NSDHL: variants seen among roughly 807,000 people sequenced by gnomAD.
The protein encoded by NSDHL is NAD(P) dependent 3-beta-hydroxysteroid dehydrogenase NSDHL.
NSDHL carries 1 observed loss-of-function variant against 23.0 expected under a neutral mutation model. That is an observed-to-expected ratio of 0.04 (90% CI 0.02 to 0.21). The LOEUF is 0.21. Ranked by LOEUF, NSDHL falls within the 10% of genes least tolerant of loss-of-function variation. NSDHL has a pLI of 1.00. For missense variants in NSDHL, 237 were observed against 300.9 expected (o/e 0.79, Z 1.57); for synonymous variants, 128 against 121.1 (o/e 1.06, Z -0.37).
intron 1 of NSDHL, among the ~76,000 whole-genome samples, chrX:152,841,565 A>G (rs1354832858): frequency 8.9e-6 from 1 of 112,298 alleles, no homozygotes; most frequent in Non-Finnish European, 1.9e-5. Flanking sequence ...CACCAGTACA[A>G]CATATCTCTG....
intron 3 of NSDHL, among the ~76,000 whole-genome samples, chrX:152,854,571 G>A (rs782660650): frequency 6.4e-5 from 7 of 109,745 alleles, no homozygotes; most frequent in Non-Finnish European, 9.5e-5. Flanking sequence ...CGCCACACCC[G>A]GCTAATTTTT....
At chrX:152,863,413 T>G (rs1280020864) in intron 5 of NSDHL, among the ~76,000 whole-genome samples, 3 of 111,536 alleles carry the variant, frequency 2.7e-5, no homozygotes. Flanking sequence ...CCATGGGAGC[T>G]TCCTCGCCTG....
At chrX:152,853,258 C>T (rs192383248) in intron 3 of NSDHL, among the ~76,000 whole-genome samples, 1 of 109,307 alleles carries the variant, frequency 9.1e-6, no homozygotes, top group East Asian at 2.9e-4. Context: ...TGACGCAAGC[C>T]CCTCCCCCAC....
intron 1 of NSDHL, among the ~76,000 whole-genome samples, chrX:152,836,213 G>A (rs1441118173): frequency 6.2e-5 from 7 of 112,164 alleles, no homozygotes; most frequent in African/African-American, 1.9e-4. Context: ...CCCTTTGTCA[G>A]ATGGGTAGAT....
chrX:152,859,068 T>A, intron 4 of NSDHL, 152 bp downstream of exon 4: 1 of 455,663 alleles, frequency 2.2e-6, no homozygotes, highest in Admixed American at 4.0e-5. Flanking sequence ...TTGGAGTCAC[T>A]GGAGATGGTG....
intron 4 of NSDHL, among the ~76,000 whole-genome samples, chrX:152,860,786 G>T (rs1364281963): frequency 8.9e-6 from 1 of 111,751 alleles, no homozygotes; most frequent in African/African-American, 3.3e-5. Flanking sequence ...CAGCATTTAA[G>T]AAACAACATT....
intron 3 of NSDHL, among the ~76,000 whole-genome samples, chrX:152,852,832 G>A (rs1480660668): frequency 9.1e-6 from 1 of 110,458 alleles, no homozygotes; most frequent in Non-Finnish European, 1.9e-5. Context: ...GGGACCTTGA[G>A]GCAACCATAT....
At chrX:152,858,566 G>A (rs782298222) in intron 3 of NSDHL, among the ~76,000 whole-genome samples, 1 of 111,742 alleles carries the variant, frequency 8.9e-6, no homozygotes, top group South Asian at 3.8e-4. Flanking sequence ...CTAGTTAGTG[G>A]GGAGAAGGTG....
chrX:152,855,224 A>G (rs1398135345), intron 3 of NSDHL, among the ~76,000 whole-genome samples: 1 of 108,736 alleles, frequency 9.2e-6, no homozygotes, highest in Non-Finnish European at 1.9e-5. Flanking sequence ...TGAACTCCTG[A>G]CCTCAAGTGA....
Position 152,864,895 on chromosome X carries a change from C to G in NSDHL, c.544-924C>G, listed in dbSNP as rs536442273. On this transcript the variant is annotated intron_variant, in intron 5 of 7. Coordinates refer to ENST00000370274, the MANE Select transcript of NSDHL (RefSeq NM_015922.3). ...TCACTGGGGCCAAAACATAGACCAG[C>G]ACTTTGCTACCATAGAGTAGAAGAA... Among the ~76,000 whole-genome samples the G allele has an allele frequency of 2.7e-4, 30 of 111,742 alleles. No homozygotes were observed. The South Asian group carries it at 0.011, about 42-fold the overall frequency.
intron 7 of NSDHL, among the ~76,000 whole-genome samples, 188 bp downstream of exon 7, chrX:152,867,861 C>A (rs1051719551): frequency 9.8e-5 from 11 of 111,772 alleles, no homozygotes; most frequent in Admixed American, 9.5e-5. Flanking sequence ...ATCACTTGGG[C>A]AGCCAAATTT....
At chrX:152,851,424 G>T (rs782616272) in intron 3 of NSDHL, among the ~76,000 whole-genome samples, 2 of 111,421 alleles carry the variant, frequency 1.8e-5, no homozygotes, top group South Asian at 3.8e-4. Flanking sequence ...ATCTAGTTGG[G>T]ATGCCAATCC....
At chrX:152,867,549 A>G in intron 6 of NSDHL, 22 bp from the exon 7 acceptor site, 1 of 1,124,297 alleles carries the variant, frequency 8.9e-7, no homozygotes, top group Non-Finnish European at 1.2e-6. Context: ...CACGTATTCC[A>G]TCATCCCTTG....
intron 5 of NSDHL, among the ~76,000 whole-genome samples, chrX:152,864,174 G>T (rs1461790395): frequency 5.3e-5 from 6 of 112,428 alleles, no homozygotes; most frequent in Non-Finnish European, 9.4e-5. Flanking sequence ...CTCTCAAAGT[G>T]CTGGGATTAC....
intron 1 of NSDHL, among the ~76,000 whole-genome samples, chrX:152,837,687 A>G (rs782216660): frequency 8.9e-6 from 1 of 111,881 alleles, no homozygotes; most frequent in African/African-American, 3.3e-5. Flanking sequence ...ATGCTACTGG[A>G]TTCAGTTTGC....
chrX:152,836,829 A>T (rs899870949), intron 1 of NSDHL, among the ~76,000 whole-genome samples: 2 of 112,127 alleles, frequency 1.8e-5, no homozygotes, highest in African/African-American at 3.2e-5. Context: ...GTTTTTTCCA[A>T]TTCTGTGAAG....
In NSDHL at chrX:152,869,135, C is replaced by G; in HGVS notation, c.*19C>G. ...CAAGTGAGGGACACTGGAGGCTGGG[C>G]TCTCTCGACACGTTGCTCAGCCAGT... On this transcript the variant is annotated 3_prime_UTR_variant, in exon 8 of 8. Transcript: ENST00000370274. The G allele has an allele frequency of 8.7e-7, 1 of 1,149,751 alleles. No homozygotes were observed. Among genetic ancestry groups the G allele is most frequent in the African/African-American group, 1.8e-5 (1 of 56,840 alleles). The allele number at this position is 1,149,751 out of a possible 1,213,427, so 94.8% of individuals were successfully genotyped here.
chrX:152,854,857 CT>C (rs1178328338), intron 3 of NSDHL, among the ~76,000 whole-genome samples: 2 of 106,805 alleles, frequency 1.9e-5, no homozygotes, highest in African/African-American at 6.9e-5. Flanking sequence ...CCCCCCATTT[CT>C]TTTTTTTTAA....
At chrX:152,868,287 G>A (rs181400787) in intron 7 of NSDHL, among the ~76,000 whole-genome samples, 1 of 110,272 alleles carries the variant, frequency 9.1e-6, no homozygotes, top group East Asian at 2.9e-4. Flanking sequence ...ACAGGCACAT[G>A]CCACCACGCT....
Sources: allele counts gnomAD v4.1 joint callset (sites outside exome capture counted in the v4.1 genomes callset), GRCh38; gene constraint gnomAD v4.1.1; transcripts MANE v1.5; gene names NCBI Gene and HGNC (gene_info 2026-07-23, HGNC 2026-07-21).